TSPAN2: variants seen among roughly 807,000 people sequenced by gnomAD.
TSPAN2 encodes tetraspanin-2.
A neutral mutation model predicts 33.3 loss-of-function variants in TSPAN2; 24 were observed. The ratio of observed to expected loss-of-function variants is 0.72; its 90% CI spans 0.52 to 1.01. The LOEUF (loss-of-function observed/expected upper bound fraction) is 1.01. TSPAN2 is among the 50% of genes least tolerant of loss of function. The pLI, the probability that TSPAN2 is intolerant of heterozygous loss-of-function variation, is 0.00. For synonymous variants in TSPAN2, 114 were observed against 104.5 expected (o/e 1.09, Z -0.56); for missense variants, 278 against 281.3 (o/e 0.99, Z 0.08).
At chr1:115,057,437 T>G in intron 6 of TSPAN2, 100 bp downstream of exon 6, 1 of 1,156,222 alleles carries the variant, frequency 8.6e-7, no homozygotes, top group Non-Finnish European at 1.3e-6. Context: ...TAGAGCAAAT[T>G]CAGTAAAATG....
chr1:115,061,554 A>G (rs4839406), intron 3 of TSPAN2, among the ~76,000 whole-genome samples: 114 of 152,188 alleles, frequency 7.5e-4, no homozygotes, highest in Admixed American at 2.5e-3. Flanking sequence ...TTTTTAAAGA[A>G]CAATCATAGT....
chr1:115,072,721 G>A (rs1413000676), intron 2 of TSPAN2, among the ~76,000 whole-genome samples, 184 bp downstream of exon 2: 1 of 152,172 alleles, frequency 6.6e-6, no homozygotes, highest in South Asian at 2.1e-4. Context: ...CTCTCTACCT[G>A]TCTCCAGCAG....
chr1:115,087,076 T>C (rs914166572), intron 1 of TSPAN2, among the ~76,000 whole-genome samples: 20 of 152,114 alleles, frequency 1.3e-4, no homozygotes, highest in Admixed American at 1.2e-3. Context: ...CCCACCACCA[T>C]GCCCGGCTAA....
intron 1 of TSPAN2, among the ~76,000 whole-genome samples, chr1:115,077,882 T>C (rs1648477322): frequency 6.6e-6 from 1 of 152,220 alleles, no homozygotes; most frequent in African/African-American, 2.4e-5. Context: ...GCCTCCCCAG[T>C]CTGCCCAGCT....
At chr1:115,072,747 A>G (rs1648230694) in intron 2 of TSPAN2, among the ~76,000 whole-genome samples, 158 bp downstream of exon 2, 1 of 152,164 alleles carries the variant, frequency 6.6e-6, no homozygotes, top group Non-Finnish European at 1.5e-5. Context: ...TCGGAGGGCT[A>G]CACCAGTGCA....
chr1:115,087,610 C>G (rs1296317036), intron 1 of TSPAN2, among the ~76,000 whole-genome samples: 5 of 102,342 alleles, frequency 4.9e-5, no homozygotes, highest in Admixed American at 4.7e-4. Flanking sequence ...AGTGAGACTC[C>G]GTCTCAAAAA....
chr1:115,052,609 A>G (rs920479297), intron 7 of TSPAN2, among the ~76,000 whole-genome samples: 1 of 151,476 alleles, frequency 6.6e-6, no homozygotes, highest in South Asian at 2.1e-4. Flanking sequence ...ACCTCTCGCA[A>G]CTCCTGCCAT....
intron 7 of TSPAN2, among the ~76,000 whole-genome samples, chr1:115,051,423 G>T (rs918978490): frequency 2.6e-5 from 4 of 152,150 alleles, no homozygotes; most frequent in African/African-American, 9.7e-5. Context: ...TTATACTATG[G>T]TATTATTGAC....
chr1:115,063,517 C>G (rs1647813832), intron 2 of TSPAN2, among the ~76,000 whole-genome samples: 1 of 152,222 alleles, frequency 6.6e-6, no homozygotes, highest in Non-Finnish European at 1.5e-5. Flanking sequence ...GGAGATGACT[C>G]AAACAACTGA....
intron 1 of TSPAN2, among the ~76,000 whole-genome samples, chr1:115,085,473 T>C (rs137948036): frequency 6.6e-6 from 1 of 152,272 alleles, no homozygotes; most frequent in African/African-American, 2.4e-5. Context: ...CTGTCCCACC[T>C]CTATGCTTAC....
chr1:115,088,649 C>A (rs1648932515), intron 1 of TSPAN2, among the ~76,000 whole-genome samples: 1 of 152,162 alleles, frequency 6.6e-6, no homozygotes, highest in African/African-American at 2.4e-5. Context: ...TGAATGAGAT[C>A]ATCTCTGGGA....
intron 1 of TSPAN2, among the ~76,000 whole-genome samples, chr1:115,080,136 G>C (rs1329518522): frequency 6.6e-6 from 1 of 152,178 alleles, no homozygotes; most frequent in Non-Finnish European, 1.5e-5. Context: ...GCAAATGATA[G>C]AGCAGATAAT....
chr1:115,073,247 C>T (rs1204652335), intron 1 of TSPAN2, among the ~76,000 whole-genome samples: 1 of 152,298 alleles, frequency 6.6e-6, no homozygotes, highest in East Asian at 1.9e-4. Flanking sequence ...CAGGGTTTTT[C>T]CATGATGCCA....
intron 2 of TSPAN2, among the ~76,000 whole-genome samples, chr1:115,070,563 A>G (rs1279837033): frequency 6.6e-6 from 1 of 150,714 alleles, no homozygotes; most frequent in Non-Finnish European, 1.5e-5. Flanking sequence ...TCCAAATCCT[A>G]CTGCCCACCA....
chr1:115,058,095 G>C (rs1055957853), intron 5 of TSPAN2: 1 of 168,372 alleles, frequency 5.9e-6, no homozygotes, highest in African/African-American at 2.4e-5. Context: ...GTCCTGCTTA[G>C]GCTAGCTGGC....
At chr1:115,068,367 C>T (rs1283118639) in intron 2 of TSPAN2, among the ~76,000 whole-genome samples, 1 of 152,210 alleles carries the variant, frequency 6.6e-6, no homozygotes, top group Non-Finnish European at 1.5e-5. Flanking sequence ...GACAATTTCC[C>T]TTACAAAGTC....
At chr1:115,059,799 C>G (rs1647596985) in intron 4 of TSPAN2, among the ~76,000 whole-genome samples, 1 of 152,176 alleles carries the variant, frequency 6.6e-6, no homozygotes, top group African/African-American at 2.4e-5. Context: ...ATTTACTATT[C>G]TACATGTTTA....
At chr1:115,073,904 C>T (rs986399467) in intron 1 of TSPAN2, among the ~76,000 whole-genome samples, 6 of 152,054 alleles carry the variant, frequency 3.9e-5, no homozygotes, top group East Asian at 1.9e-4. Flanking sequence ...GTCATTGCTG[C>T]GTGCCAGCAG....
intron 1 of TSPAN2, among the ~76,000 whole-genome samples, chr1:115,074,941 A>C (rs573802191): frequency 4.3e-4 from 65 of 152,174 alleles, no homozygotes; most frequent in African/African-American, 1.5e-3. Flanking sequence ...GCAACCCTGC[A>C]CGCCCTCATC....
Sources: gnomAD v4.1 joint callset for allele counts (sites outside exome capture counted in the v4.1 genomes callset) on GRCh38, gnomAD v4.1.1 for gene constraint, MANE v1.5 for transcripts, NCBI Gene and HGNC (gene_info 2026-07-23, HGNC 2026-07-21) for gene names.